MARCHF10: variants seen among roughly 807,000 people sequenced by gnomAD.
MARCHF10 encodes the protein membrane associated ring-CH-type finger 10, also known as probable E3 ubiquitin-protein ligase MARCHF10.
Under a neutral mutation model 76.2 loss-of-function variants are expected in MARCHF10, and 64 were observed. The ratio of observed to expected loss-of-function variants is 0.84; its 90% CI spans 0.69 to 1.03. The LOEUF (loss-of-function observed/expected upper bound fraction) is 1.03. Among genes scored for constraint, MARCHF10 ranks in the 50% least tolerant of loss-of-function variants. The probability of loss-of-function intolerance (pLI) is 0.00; values close to 1 mark genes in which losing one functional copy is unlikely to be tolerated. For missense variants in MARCHF10, 875 were observed against 958.0 expected, an observed-to-expected ratio of 0.91 and a Z score of 1.14; for synonymous variants, 340 against 357.5, an observed-to-expected ratio of 0.95 and a Z score of 0.55.
chr17:62,775,046 T>C (rs2092522633), intron 3 of MARCHF10, among the ~76,000 whole-genome samples: 1 of 150,842 alleles, frequency 6.6e-6, no homozygotes, highest in African/African-American at 2.4e-5. Context: ...AGAGCAAGAC[T>C]CCCATCTCCA....
Position 62,788,516 on chromosome 17 carries a change from C to G in MARCHF10, c.174G>C (p.Glu58Asp), listed in dbSNP as rs1192826772. Reference sequence around the variant, plus strand: ...ATGACCTGCTAGAAAACCGGGATCTCTCAAAACTTGTCTCTTGCCCCCAAA... The same window carrying G: ...ATGACCTGCTAGAAAACCGGGATCTGTCAAAACTTGTCTCTTGCCCCCAAA... ...DQFWGQETSF[E>D]RSRFSSRSSS... The change falls in exon 3 of 11, where the codon GAG becomes GAC. Residue 58 changes from glutamate (E) to aspartate (D), a missense_variant. Glu to Asp is a conservative substitution (Grantham distance 45, BLOSUM62 2). Coordinates refer to ENST00000311269, the MANE Select transcript of MARCHF10 (RefSeq NM_152598.4). The G allele has an allele frequency of 1.2e-6, 2 of 1,614,172 alleles. No homozygotes were observed. The highest frequency in any genetic ancestry group is 1.7e-6 in the Non-Finnish European group (2 of 1,180,030).
intron 2 of MARCHF10, among the ~76,000 whole-genome samples, chr17:62,793,015 CAA>C (rs2092892839): frequency 6.7e-6 from 1 of 148,472 alleles, no homozygotes; most frequent in Non-Finnish European, 1.5e-5. Context: ...ACCACCACCA[CAA>C]CCATCACCAC....
chr17:62,796,811 A>G (rs557819003), intron 2 of MARCHF10, among the ~76,000 whole-genome samples: 39 of 152,254 alleles, frequency 2.6e-4, no homozygotes, highest in Non-Finnish European at 4.9e-4. Context: ...CAACATGGTG[A>G]GACCCCCGTG....
At chr17:62,714,742 C>T (rs1471136171) in intron 8 of MARCHF10, among the ~76,000 whole-genome samples, 1 of 152,032 alleles carries the variant, frequency 6.6e-6, no homozygotes, top group East Asian at 1.9e-4. Context: ...CCGTCCCCTC[C>T]CCTCCCCCTT....
chr17:62,771,505 G>T (rs1171245609), intron 3 of MARCHF10, among the ~76,000 whole-genome samples: 1 of 151,964 alleles, frequency 6.6e-6, no homozygotes, highest in African/African-American at 2.4e-5. Context: ...CAAGCTAAAA[G>T]CCACAGAATG....
chr17:62,736,607 A>G lies in MARCHF10; in HGVS notation c.1261T>C (p.Trp421Arg). 6.2e-7 allele frequency: 1 copy of G among 1,614,204 alleles called. No individual in the cohort carries two copies. Among genetic ancestry groups the G allele is most frequent in the Non-Finnish European group, 8.5e-7 (1 of 1,180,024 alleles). The stretch of plus-strand genomic sequence containing the variant: ...TGTTCCACAGAAATACAATCACTCC[A>G]TACATTTTCAGCATTGACACCAACC... ...QEVGVNAENV[W>R]SDCISVEHRP... Residue 421 changes from tryptophan to arginine, a missense_variant, in exon 6 of 11, where the codon TGG becomes CGG. Physicochemically the swap from Trp to Arg is moderately radical, Grantham distance 101 (BLOSUM62 -3). Transcript: ENST00000311269.
chr17:62,783,202 T>G (rs866854962), intron 3 of MARCHF10, among the ~76,000 whole-genome samples: 4,925 of 145,112 alleles, frequency 0.034, 69 homozygotes, highest in Middle Eastern at 0.087. Flanking sequence ...CAGTTTTTTT[T>G]TTTTTTTTTT....
intron 4 of MARCHF10, among the ~76,000 whole-genome samples, chr17:62,749,755 C>T (rs1271249687): frequency 6.6e-6 from 1 of 152,204 alleles, no homozygotes; most frequent in Non-Finnish European, 1.5e-5. Flanking sequence ...ATCGGCTGAG[C>T]CTTTTCATTT....
At position 62,728,991 on chromosome 17, in the gene MARCHF10, A is replaced by G. The variant is rs375295199; in HGVS notation, c.1938-3887T>C. The stretch of plus-strand genomic sequence containing the variant: ...CACTCTATTGTCCAGGCCGGAGTGC[A>G]GTGGCAAGATCTTGGCTCACTGCAG... On this transcript the variant is annotated intron_variant, in intron 6 of 10. Coordinates refer to ENST00000311269, the MANE Select transcript of MARCHF10 (RefSeq NM_152598.4). 7.9e-5 allele frequency among the ~76,000 whole-genome samples: 12 copies of G among 152,314 alleles called. No homozygotes were observed. The East Asian group carries it at 1.5e-3, about 20-fold the overall frequency.
At chr17:62,756,385 GC>G (rs1448436048) in intron 4 of MARCHF10, among the ~76,000 whole-genome samples, 1 of 152,192 alleles carries the variant, frequency 6.6e-6, no homozygotes, top group East Asian at 1.9e-4. Context: ...GTTTGAGGTT[GC>G]AGTGACCTAT....
At position 62,737,166 on chromosome 17, in the gene MARCHF10, G is replaced by T; in HGVS notation, c.702C>A (p.Ala234=). 1 of 1,614,066 alleles carries T rather than the reference G, an allele frequency of 6.2e-7. No individual in the cohort carries two copies. Among genetic ancestry groups the T allele is most frequent in the South Asian group, 1.1e-5 (1 of 91,068 alleles). Residue 234 remains alanine, a synonymous_variant, in exon 6 of 11, where the codon GCC becomes GCA. Coordinates refer to ENST00000311269, the MANE Select transcript of MARCHF10 (RefSeq NM_152598.4). ...TTTTTCCTTGGAAGGCCTGGGACAG[G>T]GCTGGATGCAGCTCACTCTGGGAAG... The part of the protein sequence containing the change: ...SAPSQSELHP[A]LSQAFQGKNS...
At chr17:62,735,595 C>A in intron 6 of MARCHF10, 1 of 248,142 alleles carries the variant, frequency 4.0e-6, no homozygotes, top group Admixed American at 5.5e-5. Flanking sequence ...CAACCTTTTC[C>A]TAAAAAATCT....
chr17:62,772,688 C>A (rs536142086), intron 3 of MARCHF10, among the ~76,000 whole-genome samples: 4 of 152,142 alleles, frequency 2.6e-5, no homozygotes, highest in Non-Finnish European at 5.9e-5. Flanking sequence ...GGGGGCAGGG[C>A]ATTCACTTGC....
At chr17:62,786,787 A>G (rs1270606378) in intron 3 of MARCHF10, among the ~76,000 whole-genome samples, 1 of 152,172 alleles carries the variant, frequency 6.6e-6, no homozygotes. Context: ...TAAAACTTCA[A>G]ATCCTGCATA....
At chr17:62,755,216 T>G (rs1323696581) in intron 4 of MARCHF10, among the ~76,000 whole-genome samples, 17 of 152,236 alleles carry the variant, frequency 1.1e-4, no homozygotes. Context: ...CATCCAGATC[T>G]GTCTTCCTGG....
At position 62,793,710 on chromosome 17, in the gene MARCHF10, CCAT is replaced by C. The variant is rs759022974; in HGVS notation, c.91-5114_91-5112del. Among the ~76,000 whole-genome samples the C allele has an allele frequency of 2.3e-3, 338 of 148,116 alleles. 3 individuals are homozygous for C. The highest frequency in any genetic ancestry group is 4.2e-3 in the Non-Finnish European group (280 of 66,922). The stretch of plus-strand genomic sequence containing the variant: ...ACCACCACAACCATTACCACCACCA[CCAT>C]CATCTCCATCACCACCACCGCCTCC... On this transcript the variant is annotated intron_variant, in intron 2 of 10. Transcript: ENST00000311269.
At chr17:62,803,726 G>C (rs2093117664) in intron 1 of MARCHF10, among the ~76,000 whole-genome samples, 1 of 152,136 alleles carries the variant, frequency 6.6e-6, no homozygotes, top group African/African-American at 2.4e-5. Flanking sequence ...ATATCGGCCA[G>C]ACTGATCTTG....
chr17:62,806,969 T>A (rs2093173726), intron 1 of MARCHF10, among the ~76,000 whole-genome samples: 2 of 152,226 alleles, frequency 1.3e-5, no homozygotes, highest in African/African-American at 2.4e-5. Flanking sequence ...TGTTAAGCAA[T>A]AAAGGAAATG....
chr17:62,797,086 G>GAGTGC (rs1351896755), intron 2 of MARCHF10, among the ~76,000 whole-genome samples: 2 of 152,214 alleles, frequency 1.3e-5, no homozygotes, highest in Non-Finnish European at 2.9e-5. Context: ...AGCATGAAAA[G>GAGTGC]AGTGCTGCAG....
Sources: allele counts gnomAD v4.1 joint callset (sites outside exome capture counted in the v4.1 genomes callset), GRCh38; gene constraint gnomAD v4.1.1; transcripts MANE v1.5; gene names NCBI Gene and HGNC (gene_info 2026-07-23, HGNC 2026-07-21).